Variants in AATK observed in about 807,000 individuals in gnomAD.
AATK encodes lemur tail kinase 1, also known as serine/threonine-protein kinase LMTK1.
In AATK, 91 loss-of-function variants were observed where a neutral mutation model predicts 114.3. The ratio of observed to expected loss-of-function variants is 0.80; its 90% CI spans 0.67 to 0.95. AATK has a LOEUF of 0.95. AATK is among the 40% of genes least tolerant of loss of function. AATK has a pLI of 0.00. For synonymous variants in AATK, 1,075 were observed against 916.5 expected (o/e 1.17, Z -3.12); for missense variants, 2,176 against 1,965.2 (o/e 1.11, Z -2.03).
rs1241513157 is a variant in AATK, at chr17:81,127,850, G to T, written c.475C>A (p.Gln159Lys). Residue 159 changes from glutamine (Q) to lysine (K), a missense_variant, in exon 5 of 14, where the codon CAG becomes AAG. Gln to Lys is a moderately conservative substitution (Grantham distance 53, BLOSUM62 1). Around this residue, in one of 4 missense-constraint regions of AATK, gnomAD observed 24 missense variants for 50.9 expected, o/e 0.47. Coordinates refer to ENST00000326724, the MANE Select transcript of AATK (RefSeq NM_001080395.3). Reference protein sequence around the residue: ...SSAQVVVKELQASASVQEQMQ... With the variant: ...SSAQVVVKELKASASVQEQMQ... The stretch of plus-strand genomic sequence containing the variant: ...TGCTCCTGCACGCTGGCACTAGCCT[G>T]CAGCTCCTTCACCACCACCTGGGCA... 1 of 1,548,280 alleles carries T rather than the reference G, an allele frequency of 6.5e-7. No homozygotes were observed. The highest frequency in any genetic ancestry group is 2.0e-5 in the Admixed American group (1 of 51,042).
At chr17:81,145,613 A>G (rs2061205866) in intron 1 of AATK, among the ~76,000 whole-genome samples, 3 of 151,932 alleles carry the variant, frequency 2.0e-5, no homozygotes, top group Admixed American at 2.0e-4. Flanking sequence ...TGCTTCTGTA[A>G]TCCTAGCTAC....
rs1191827699 is a variant in AATK at position 81,122,285 on chromosome 17, C to A, written c.1651G>T (p.Ala551Ser). Residue 551 changes from alanine (A) to serine (S), a missense_variant, in exon 11 of 14, where the codon GCC becomes TCC. By Grantham distance (99) the Ala-to-Ser change is moderately conservative (BLOSUM62 1). Coordinates refer to ENST00000326724, the MANE Select transcript of AATK (RefSeq NM_001080395.3). ...TCCGCGGTGGCAGGTGGACTGGGGG[C>A]GCAGCCGGCGCAGTCAGGGTCGTGG... ...AGHDPDCAGC[A>S]PSPPATADQD... The A allele has an allele frequency of 1.3e-6, 2 of 1,498,630 alleles. No individual in the cohort carries two copies. The highest frequency in any genetic ancestry group is 1.8e-6 in the Non-Finnish European group (2 of 1,131,184). 92.8% of individuals were successfully genotyped at this position (1,498,630 alleles called of 1,614,324 possible).
In AATK at chr17:81,122,778, G is replaced by A. The variant is rs1210720022; in HGVS notation, c.1158C>T (p.Pro386=). ...GCAGCAGGTGCACCTCCTCGGCTGT[G>A]GGCCGCTGCTCGGGCTGCAGCCAGC... The part of the protein sequence containing the change: ...QFCWLQPEQR[P]TAEEVHLLLS... Residue 386 remains proline, a synonymous_variant, in exon 11 of 14, where the codon CCC becomes CCT. Transcript: ENST00000326724. The A allele has an allele frequency of 3.1e-6, 5 of 1,591,984 alleles. 1 individual carries two copies. The African/African-American group carries it at 4.0e-5, about 13-fold the overall frequency.
chr17:81,137,030 G>A (rs1026259312), intron 1 of AATK, among the ~76,000 whole-genome samples: 1 of 152,096 alleles, frequency 6.6e-6, no homozygotes, highest in Non-Finnish European at 1.5e-5. Flanking sequence ...GGCCAAGGCA[G>A]GTGGATCACT....
chr17:81,118,174 G>A lies in AATK; in HGVS notation c.*228C>T. ...AGGCGCCCCCAGGGGCTAGCAGCAA[G>A]CCTAAAAGCCCAGACGAATTCTGCC... is the stretch of plus-strand genomic sequence containing the variant. On this transcript the variant is annotated 3_prime_UTR_variant, in exon 14 of 14. Coordinates refer to ENST00000326724, the MANE Select transcript of AATK (RefSeq NM_001080395.3). 2 of 564,102 alleles carry A rather than the reference G, an allele frequency of 3.5e-6. No individual in the cohort carries two copies. Among genetic ancestry groups the A allele is most frequent in the South Asian group, 4.5e-5 (2 of 44,728 alleles). The allele number at this position is 564,102 out of a possible 1,614,324, so 34.9% of individuals were successfully genotyped here.
rs1055426929 is a variant in AATK, at chr17:81,139,145, A to G, written c.56-4644T>C. On this transcript the variant is annotated intron_variant, in intron 1 of 13. Coordinates refer to ENST00000326724, the MANE Select transcript of AATK (RefSeq NM_001080395.3). ...ACTGGCCTGCTCAGTAGGTATCATC[A>G]TCCTCACTTTACAAGTACGAAAACT... Among the ~76,000 whole-genome samples the G allele has an allele frequency of 2.5e-4, 38 of 152,202 alleles. 1 individual carries two copies. The highest frequency in any genetic ancestry group is 2.4e-5 in the African/African-American group (1 of 41,440).
At chr17:81,119,798 C>T (rs1339756861) in intron 12 of AATK, 138 bp downstream of exon 12, 3 of 1,316,392 alleles carry the variant, frequency 2.3e-6, no homozygotes, top group South Asian at 3.2e-5. Context: ...CATGACGACA[C>T]GGGCCAAAGC....
Position 81,165,987 on chromosome 17 carries a change from CGACATGGCCGGGCCAGCGGCCGGCG to C in AATK, c.-20_5del. 3 of 1,578,618 alleles carry C rather than the reference CGACATGGCCGGGCCAGCGGCCGGCG, an allele frequency of 1.9e-6. No individual in the cohort carries two copies. The highest frequency in any genetic ancestry group is 2.7e-5 in the African/African-American group (2 of 73,010). The stretch of plus-strand genomic sequence containing the variant: ...CGAAGCTGGGGTTGAAGAAGGACGA[CGACATGGCCGGGCCAGCGGCCGGCG>C]GGCATCCCGGGAGGGCGCTGCGCTC... On this transcript the variant is annotated start_lost and 5_prime_UTR_variant, in exon 1 of 14. Coordinates refer to ENST00000326724, the MANE Select transcript of AATK (RefSeq NM_001080395.3).
At chr17:81,148,887 GAGC>G (rs1567824291) in intron 1 of AATK, among the ~76,000 whole-genome samples, 2 of 146,132 alleles carry the variant, frequency 1.4e-5, no homozygotes, top group African/African-American at 2.5e-5. Context: ...AGTGTCCAAG[GAGC>G]AGATGACCCT....
intron 1 of AATK, among the ~76,000 whole-genome samples, chr17:81,163,095 G>A (rs1349486315): frequency 6.6e-6 from 1 of 152,166 alleles, no homozygotes; most frequent in African/African-American, 2.4e-5. Context: ...GTGGCCCCAG[G>A]GCAAACCCCT....
chr17:81,122,326 GCCT>G lies in AATK; in HGVS notation c.1607_1609del (p.Glu536del). The G allele has an allele frequency of 6.6e-7, 1 of 1,510,842 alleles. No homozygotes were observed. The highest frequency in any genetic ancestry group is 8.8e-7 in the Non-Finnish European group (1 of 1,134,376). The allele number at this position is 1,510,842 out of a possible 1,614,324, so 93.6% of individuals were successfully genotyped here. A position where few individuals can be genotyped will look rare whatever the true frequency, so the allele number is the denominator to read the frequency against. On this transcript the variant is annotated inframe_deletion, in exon 11 of 14. Transcript: ENST00000326724. ...AGGGTCGTGGCCGGCGGCGGGTGCG[GCCT>G]CCTCTAGGCGGATGAAGTACTCGCT...
Position 81,117,894 on chromosome 17 carries a change from C to G in AATK, c.*508G>C. 1 of 154,206 alleles carries G rather than the reference C, an allele frequency of 6.5e-6. No individual in the cohort carries two copies. The highest frequency in any genetic ancestry group is 6.4e-5 in the Admixed American group (1 of 15,546). The allele number at this position is 154,206 out of a possible 1,614,324, so 9.6% of individuals were successfully genotyped here. ...ACCGACACGGGCGCCCAGGGCCACT[C>G]CTTGCCCTGAGCCACCAGGAACCAG... On this transcript the variant is annotated 3_prime_UTR_variant, in exon 14 of 14. Coordinates refer to ENST00000326724, the MANE Select transcript of AATK (RefSeq NM_001080395.3).
rs974710414 is a variant in AATK, at chr17:81,118,069, C to T, written c.*333G>A. The T allele has an allele frequency of 9.3e-5, 26 of 278,836 alleles. No individual in the cohort carries two copies. Among genetic ancestry groups the T allele is most frequent in the African/African-American group, 4.8e-4 (22 of 45,638 alleles). 17.3% of individuals were successfully genotyped at this position (278,836 alleles called of 1,614,324 possible). A position where few individuals can be genotyped will look rare whatever the true frequency, so the allele number is the denominator to read the frequency against. ...GTCCTCCGAGGCCAGGCAGGCAGGG[C>T]AGAGGGTGGGGGCCGCCGTGCCCAG... On this transcript the variant is annotated 3_prime_UTR_variant, in exon 14 of 14. Coordinates refer to ENST00000326724, the MANE Select transcript of AATK (RefSeq NM_001080395.3).
chr17:81,141,048 G>C (rs544702562), intron 1 of AATK, among the ~76,000 whole-genome samples: 1 of 150,660 alleles, frequency 6.6e-6, no homozygotes, highest in Non-Finnish European at 1.5e-5. Flanking sequence ...CATGGGGACC[G>C]TGAGCCGTGG....
chr17:81,156,768 G>T (rs1446207105), intron 1 of AATK, among the ~76,000 whole-genome samples: 1 of 152,204 alleles, frequency 6.6e-6, no homozygotes, highest in Admixed American at 6.5e-5. Flanking sequence ...GACCTTTTGG[G>T]ATTTCCACAC....
In AATK at chr17:81,131,235, T is replaced by C. The variant is rs113825554; in HGVS notation, c.190-30A>G. 2.6e-6 allele frequency: 4 copies of C among 1,548,670 alleles called. No individual in the cohort carries two copies. The African/African-American group carries it at 4.1e-5, about 16-fold the overall frequency. On this transcript the variant is annotated intron_variant, in intron 2 of 13. Transcript: ENST00000326724. ...GGGCCGGGCCGGGCATGAGCGGGGC[T>C]TCTCGCAGGTCAAGGAAGGGTGTGG...
Position 81,120,089 on chromosome 17 carries a change from G to A in AATK, c.3736-6C>T, listed in dbSNP as rs1002556781. 6.8e-7 allele frequency: 1 copy of A among 1,463,704 alleles called. No individual in the cohort carries two copies. The highest frequency in any genetic ancestry group is 2.9e-5 in the Admixed American group (1 of 34,314). The allele number at this position is 1,463,704 out of a possible 1,614,324, so 90.7% of individuals were successfully genotyped here. ...AGCTCCCGGGTGGGGCTTTCCTGGA[G>A]GAATCAGAGAGCACCAGGTAGCTCG... is the stretch of plus-strand genomic sequence containing the variant. On this transcript the variant is annotated splice_polypyrimidine_tract_variant and splice_region_variant and intron_variant, in intron 11 of 13. Coordinates refer to ENST00000326724, the MANE Select transcript of AATK (RefSeq NM_001080395.3).
At position 81,131,149 on chromosome 17, in the gene AATK, CG is replaced by C; in HGVS notation, c.245del (p.Pro82ArgfsTer47). ...EYAADLAQGSPATAAQNGPDV... is the reference protein window; with the variant it reads ...EYAADLAQGSXATAAQNGPDV... ...CGGGCCCGTTCTGTGCTGCCGTGGC[CG>C]GGGAGCCCTGCGCCAGGTCGGCTGC... On this transcript the variant is annotated frameshift_variant, in exon 3 of 14. Transcript: ENST00000326724. LOFTEE classifies it high-confidence loss of function. 6.3e-7 allele frequency: 1 copy of C among 1,576,448 alleles called. No individual in the cohort carries two copies. The highest frequency in any genetic ancestry group is 8.6e-7 in the Non-Finnish European group (1 of 1,162,192).
In AATK at chr17:81,139,155, T is replaced by A. The variant is rs185408014; in HGVS notation, c.56-4654A>T. Among the ~76,000 whole-genome samples, 3 of 152,326 alleles carry A rather than the reference T, an allele frequency of 2.0e-5. No individual in the cohort carries two copies. In the East Asian group the frequency reaches 5.8e-4, roughly 29 times the overall value. On this transcript the variant is annotated intron_variant, in intron 1 of 13. Coordinates refer to ENST00000326724, the MANE Select transcript of AATK (RefSeq NM_001080395.3). ...TCAGTAGGTATCATCATCCTCACTT[T>A]ACAAGTACGAAAACTGAGGCTCAGT...
Sources: gnomAD v4.1 joint callset for allele counts (sites outside exome capture counted in the v4.1 genomes callset) on GRCh38, gnomAD v4.1.1 for gene constraint, gnomAD v4.1.1 regional missense constraint, MANE v1.5 for transcripts, NCBI Gene and HGNC (gene_info 2026-07-23, HGNC 2026-07-21) for gene names.